The following UEVLD variants were observed in gnomAD, a reference collection of about 807,000 sequenced individuals.
UEVLD encodes ubiquitin-conjugating enzyme E2 variant 3.
UEVLD carries 47 observed loss-of-function variants against 58.6 expected under a neutral mutation model. The ratio of observed to expected loss-of-function variants is 0.80; its 90% CI spans 0.63 to 1.02. UEVLD has a LOEUF of 1.02. UEVLD is among the 50% of genes least tolerant of loss of function. The pLI, the probability that UEVLD is intolerant of heterozygous loss-of-function variation, is 0.00. For synonymous variants in UEVLD, 197 were observed against 195.3 expected, an observed-to-expected ratio of 1.01 and a Z score of -0.07; for missense variants, 510 against 550.6, an observed-to-expected ratio of 0.93 and a Z score of 0.74.
intron 4 of UEVLD, among the ~76,000 whole-genome samples, chr11:18,568,053 G>A (rs373805536): frequency 6.6e-6 from 1 of 152,138 alleles, no homozygotes; most frequent in East Asian, 1.9e-4. Context: ...GCTGAGGTGG[G>A]AAACTCACTT....
intron 9 of UEVLD, among the ~76,000 whole-genome samples, chr11:18,539,391 C>T (rs1850961770): frequency 1.3e-5 from 2 of 152,050 alleles, no homozygotes; most frequent in South Asian, 4.2e-4. Flanking sequence ...AAGAAAAAAA[C>T]ACAAAACCAT....
At chr11:18,559,451 G>A (rs1851909520) in intron 6 of UEVLD, among the ~76,000 whole-genome samples, 1 of 151,914 alleles carries the variant, frequency 6.6e-6, no homozygotes, top group African/African-American at 2.4e-5. Flanking sequence ...TGCCTGCCTC[G>A]TCCTCTCAAA....
chr11:18,533,491 T>G (rs1381732717), intron 11 of UEVLD, among the ~76,000 whole-genome samples: 2 of 151,464 alleles, frequency 1.3e-5, no homozygotes, highest in Admixed American at 6.6e-5. Flanking sequence ...TCAGAAGAAA[T>G]TTATGGATAT....
At chr11:18,558,512 G>T (rs964342614) in intron 6 of UEVLD, among the ~76,000 whole-genome samples, 182 bp from the exon 7 acceptor site, 1 of 152,092 alleles carries the variant, frequency 6.6e-6, no homozygotes, top group Non-Finnish European at 1.5e-5. Flanking sequence ...AACTTTGGCT[G>T]GGCTTGGTGG....
At chr11:18,561,271 C>T (rs1852017477) in intron 6 of UEVLD, among the ~76,000 whole-genome samples, 1 of 152,158 alleles carries the variant, frequency 6.6e-6, no homozygotes, top group Non-Finnish European at 1.5e-5. Context: ...TCAGTAATAA[C>T]AGTACCTAAA....
At chr11:18,545,998 C>T (rs971224594) in intron 8 of UEVLD, among the ~76,000 whole-genome samples, 14 of 151,922 alleles carry the variant, frequency 9.2e-5, no homozygotes, top group South Asian at 2.1e-4. Flanking sequence ...AAAAGCATGT[C>T]GAGAATTAAA....
intron 9 of UEVLD, among the ~76,000 whole-genome samples, chr11:18,542,968 C>G (rs1851127525): frequency 6.8e-6 from 1 of 148,078 alleles, no homozygotes; most frequent in Admixed American, 6.9e-5. Flanking sequence ...TCTCGGCTCA[C>G]TGCAGCCTCC....
intron 8 of UEVLD, 113 bp from the exon 9 acceptor site, chr11:18,544,909 G>GAC: frequency 1.2e-5 from 7 of 606,922 alleles, no homozygotes; most frequent in Non-Finnish European, 1.5e-5. Context: ...ATGCACTGAG[G>GAC]CATTATATGT....
intron 9 of UEVLD, 188 bp from the exon 10 acceptor site, chr11:18,536,657 ACT>A: frequency 1.9e-6 from 1 of 521,428 alleles, no homozygotes; most frequent in South Asian, 2.2e-5. Context: ...GGTGAGGAAA[ACT>A]CTGAACTACA....
chr11:18,578,799 T>C lies in UEVLD; in HGVS notation c.52A>G (p.Arg18Gly). 1 of 1,599,846 alleles carries C rather than the reference T, an allele frequency of 6.3e-7. No individual in the cohort carries two copies. Among genetic ancestry groups the C allele is most frequent in the Non-Finnish European group, 8.5e-7 (1 of 1,174,160 alleles). Residue 18 changes from arginine (R) to glycine (G), a missense_variant, in exon 2 of 12, where the codon AGG becomes GGG. Coordinates refer to ENST00000396197, the MANE Select transcript of UEVLD (RefSeq NM_001040697.4). ...CTTAGTTCTTCCACAGTTAGGTCCC[T>C]GAACTTGTACTGAAAAGAGAAAAAT... is the stretch of plus-strand genomic sequence containing the variant. ...LRRLLGKYKF[R>G]DLTVEELRNV...
In UEVLD at chr11:18,558,212, A is replaced by C; in HGVS notation, c.715+16T>G. 6.3e-7 allele frequency: 1 copy of C among 1,593,830 alleles called. No homozygotes were observed. The highest frequency in any genetic ancestry group is 1.1e-5 in the South Asian group (1 of 88,224). Reference sequence around the variant, plus strand: ...AGATCTAATAAGGCATACATCTTTAAGCAGAATAAACAGACCTTTGCTGAT... The same window carrying C: ...AGATCTAATAAGGCATACATCTTTACGCAGAATAAACAGACCTTTGCTGAT... On this transcript the variant is annotated intron_variant, in intron 7 of 11. Coordinates refer to ENST00000396197, the MANE Select transcript of UEVLD (RefSeq NM_001040697.4).
chr11:18,545,054 A>ATG (rs893591260), intron 8 of UEVLD, among the ~76,000 whole-genome samples: 53 of 28,166 alleles, frequency 1.9e-3, no homozygotes, highest in African/African-American at 6.0e-3. Context: ...ATCTATATCT[A>ATG]TATCTATATC....
Position 18,564,998 on chromosome 11 carries a change from G to A in UEVLD, c.506C>T (p.Thr169Ile). 6.2e-7 allele frequency: 1 copy of A among 1,609,928 alleles called. No homozygotes were observed. The highest frequency in any genetic ancestry group is 1.1e-5 in the South Asian group (1 of 90,706). Residue 169 changes from threonine (T) to isoleucine (I), a missense_variant, in exon 6 of 12, where the codon ACA becomes ATA. Coordinates refer to ENST00000396197, the MANE Select transcript of UEVLD (RefSeq NM_001040697.4). ...IAKITEGVSDTNSKSWANHEN... is the reference protein window; with the variant it reads ...IAKITEGVSDINSKSWANHEN... ...ATGATTTGCCCAGCTCTTTGAATTT[G>A]TATCTGAAACACCTAGAAAGAAAGG...
Position 18,586,515 on chromosome 11 carries a change from C to T in UEVLD, c.42+2098G>A, listed in dbSNP as rs141669133. ...TACAGACGTGAGCTACCGTGCCTGG[C>T]CTTACATTTATTTCTACTTTTTAGA... On this transcript the variant is annotated intron_variant, in intron 1 of 11. Transcript: ENST00000396197. Among the ~76,000 whole-genome samples the T allele has an allele frequency of 1.4e-3, 209 of 152,136 alleles. 1 individual carries two copies. Among genetic ancestry groups the T allele is most frequent in the African/African-American group, 4.6e-3 (190 of 41,518 alleles).
chr11:18,547,802 G>C (rs979672572), intron 7 of UEVLD, among the ~76,000 whole-genome samples: 2 of 152,130 alleles, frequency 1.3e-5, no homozygotes, highest in South Asian at 2.1e-4. Flanking sequence ...GGTAAGTATA[G>C]CTCCAGGCCA....
intron 6 of UEVLD, chr11:18,564,141 T>C (rs1045798168): frequency 8.1e-5 from 14 of 173,014 alleles, no homozygotes; most frequent in Middle Eastern, 5.2e-4. Context: ...ATGGATATAA[T>C]TTAATTATTT....
intron 4 of UEVLD, among the ~76,000 whole-genome samples, chr11:18,568,901 A>G (rs1025498984): frequency 6.8e-6 from 1 of 147,418 alleles, no homozygotes; most frequent in African/African-American, 2.5e-5. Flanking sequence ...ATATAAACAT[A>G]TTTTTTTTTT....
At chr11:18,584,936 A>G (rs1853462611) in intron 1 of UEVLD, among the ~76,000 whole-genome samples, 1 of 151,818 alleles carries the variant, frequency 6.6e-6, no homozygotes, top group African/African-American at 2.4e-5. Flanking sequence ...TGGCCTATTT[A>G]TTGGTTCTAA....
chr11:18,558,223 C>T lies in UEVLD; in HGVS notation c.715+5G>A. 1 of 1,606,840 alleles carries T rather than the reference C, an allele frequency of 6.2e-7. No homozygotes were observed. The highest frequency in any genetic ancestry group is 8.5e-7 in the Non-Finnish European group (1 of 1,176,546). On this transcript the variant is annotated splice_donor_5th_base_variant and intron_variant, in intron 7 of 11. Transcript: ENST00000396197. The stretch of plus-strand genomic sequence containing the variant: ...GGCATACATCTTTAAGCAGAATAAA[C>T]AGACCTTTGCTGATCTCCACATTAG...
Sources: allele counts gnomAD v4.1 joint callset (sites outside exome capture counted in the v4.1 genomes callset), GRCh38; gene constraint gnomAD v4.1.1; transcripts MANE v1.5; gene names NCBI Gene and HGNC (gene_info 2026-07-23, HGNC 2026-07-21).